The following LEKR1 variants were observed in gnomAD, a reference collection of about 807,000 sequenced individuals.
LEKR1 encodes leucine, glutamate and lysine rich 1, also known as protein LEKR1.
A neutral mutation model predicts 72.4 loss-of-function variants in LEKR1; 59 were observed. That is an observed-to-expected ratio of 0.82 (90% CI 0.66 to 1.01). The LOEUF is 1.01. Among genes scored for constraint, LEKR1 ranks in the 50% least tolerant of loss-of-function variants. The pLI is 0.00. For missense variants in LEKR1, 728 were observed against 759.2 expected, an observed-to-expected ratio of 0.96 and a Z score of 0.48; for synonymous variants, 257 against 263.2, an observed-to-expected ratio of 0.98 and a Z score of 0.23.
chr3:156,847,523 A>G (rs1714769049), intron 2 of LEKR1, among the ~76,000 whole-genome samples: 1 of 152,226 alleles, frequency 6.6e-6, no homozygotes, highest in African/African-American at 2.4e-5. Context: ...AAAGCAGATA[A>G]CTTACTTCAT....
intron 11 of LEKR1, among the ~76,000 whole-genome samples, chr3:157,027,316 T>G (rs1032041): frequency 0.51 from 78,030 of 151,832 alleles, 22,871 homozygotes; most frequent in South Asian, 0.79. Context: ...TGGGCAGTAC[T>G]GTTCTGGAAG....
At chr3:156,859,194 T>C (rs1238914709) in intron 3 of LEKR1, among the ~76,000 whole-genome samples, 1 of 152,212 alleles carries the variant, frequency 6.6e-6, no homozygotes, top group Non-Finnish European at 1.5e-5. Flanking sequence ...CTTAGTTTTG[T>C]CAGTTTCACT....
intron 3 of LEKR1, among the ~76,000 whole-genome samples, chr3:156,862,934 G>A (rs927692615): frequency 1.3e-5 from 2 of 151,952 alleles, no homozygotes; most frequent in Non-Finnish European, 2.9e-5. Flanking sequence ...ATTTAAAAGG[G>A]CATAATAAAA....
intron 2 of LEKR1, among the ~76,000 whole-genome samples, chr3:156,839,344 A>G (rs1044236374): frequency 6.6e-6 from 1 of 152,214 alleles, no homozygotes; most frequent in African/African-American, 2.4e-5. Context: ...TATGGAAGAG[A>G]ACCCTGACAG....
chr3:156,965,969 T>C (rs922892716), intron 6 of LEKR1, among the ~76,000 whole-genome samples: 1 of 152,216 alleles, frequency 6.6e-6, no homozygotes, highest in Non-Finnish European at 1.5e-5. Flanking sequence ...TGTGATATGA[T>C]AATATATATG....
intron 5 of LEKR1, among the ~76,000 whole-genome samples, chr3:156,939,776 C>T (rs1022811640): frequency 2.6e-5 from 4 of 152,014 alleles, no homozygotes; most frequent in Admixed American, 6.6e-5. Context: ...AATAAAATTT[C>T]GGGAAAAATA....
intron 9 of LEKR1, among the ~76,000 whole-genome samples, chr3:157,003,193 A>G (rs1373227116): frequency 6.6e-6 from 1 of 152,206 alleles, no homozygotes; most frequent in Non-Finnish European, 1.5e-5. Flanking sequence ...CAAGCACATG[A>G]CTAGACACAT....
chr3:156,829,991 G>A (rs1712156375), intron 2 of LEKR1, among the ~76,000 whole-genome samples: 1 of 152,068 alleles, frequency 6.6e-6, no homozygotes, highest in African/African-American at 2.4e-5. Flanking sequence ...CATAAAATAT[G>A]CACAAATCTA....
chr3:156,929,884 A>G (rs879796972), intron 5 of LEKR1, among the ~76,000 whole-genome samples: 4 of 152,168 alleles, frequency 2.6e-5, no homozygotes, highest in Non-Finnish European at 4.4e-5. Context: ...TGAGGTGATA[A>G]TATTTTCCAT....
intron 3 of LEKR1, among the ~76,000 whole-genome samples, chr3:156,857,766 TG>T (rs1716250295): frequency 6.6e-6 from 1 of 152,220 alleles, no homozygotes; most frequent in South Asian, 2.1e-4. Flanking sequence ...TGAAGAGCAT[TG>T]TTCTTTTGAA....
rs1459969062 is a variant in LEKR1, at chr3:156,966,136, T to C, written c.746-13058T>C. Among the ~76,000 whole-genome samples, 4 of 151,918 alleles carry C rather than the reference T, an allele frequency of 2.6e-5. No individual in the cohort carries two copies. In the East Asian group the frequency reaches 7.7e-4, roughly 29 times the overall value. ...AAAACAGATAAATAAATAAAATAAA[T>C]AGTGATGGGGGTGGAGCCAAGATGG... is the stretch of plus-strand genomic sequence containing the variant. On this transcript the variant is annotated intron_variant, in intron 6 of 12. Coordinates refer to ENST00000356539, the MANE Select transcript of LEKR1 (RefSeq NM_001004316.3).
At chr3:156,909,806 T>G (rs1722932950) in intron 3 of LEKR1, among the ~76,000 whole-genome samples, 1 of 152,114 alleles carries the variant, frequency 6.6e-6, no homozygotes, top group South Asian at 2.1e-4. Context: ...TAAAAATATA[T>G]TTTGGTGCTA....
chr3:156,898,310 A>G (rs1157649453), intron 3 of LEKR1, among the ~76,000 whole-genome samples: 2 of 152,190 alleles, frequency 1.3e-5, no homozygotes, highest in Non-Finnish European at 2.9e-5. Flanking sequence ...AATAAAACCC[A>G]TCTGATGAGA....
At chr3:156,848,802 A>G (rs1714951144) in intron 2 of LEKR1, among the ~76,000 whole-genome samples, 1 of 152,194 alleles carries the variant, frequency 6.6e-6, no homozygotes, top group South Asian at 2.1e-4. Context: ...AAAAGACATA[A>G]AGCTTAGAAT....
chr3:156,946,881 G>A (rs1487458668), intron 6 of LEKR1, among the ~76,000 whole-genome samples: 1 of 151,086 alleles, frequency 6.6e-6, no homozygotes, highest in Admixed American at 6.6e-5. Context: ...AAATTTATTG[G>A]CATATAGTTG....
In LEKR1 at chr3:157,045,350, T is replaced by C; in HGVS notation, c.1679T>C (p.Leu560Pro). ...CCTCTCTCTTTTCAGAATACTTTTCTTCAGGAGACAGTGCGTAGAGAATGT... is the reference window on the plus strand; with the variant it reads ...CCTCTCTCTTTTCAGAATACTTTTCCTCAGGAGACAGTGCGTAGAGAATGT... ...FNQSQEENTF[L>P]QETVRRECEE... Residue 560 changes from leucine to proline, a missense_variant, in exon 13 of 13, where the codon CTT (leucine) becomes CCT (proline). Physicochemically the swap from Leu to Pro is moderately conservative, Grantham distance 98. Transcript: ENST00000356539. 6.2e-7 allele frequency: 1 copy of C among 1,607,852 alleles called. No homozygotes were observed. The highest frequency in any genetic ancestry group is 8.5e-7 in the Non-Finnish European group (1 of 1,175,884).
intron 7 of LEKR1, among the ~76,000 whole-genome samples, chr3:156,989,812 T>A (rs1203140793): frequency 6.6e-6 from 1 of 151,772 alleles, no homozygotes; most frequent in Admixed American, 6.6e-5. Flanking sequence ...TCCCTCTCCC[T>A]CTCTCTCTGC....
intron 6 of LEKR1, among the ~76,000 whole-genome samples, chr3:156,946,789 T>C (rs1726722447): frequency 6.6e-6 from 1 of 151,332 alleles, no homozygotes; most frequent in Non-Finnish European, 1.5e-5. Context: ...ATTATTGGCC[T>C]GTTCAGGTTT....
chr3:156,985,460 G>A (rs1730590953), intron 7 of LEKR1, among the ~76,000 whole-genome samples: 2 of 152,050 alleles, frequency 1.3e-5, no homozygotes, highest in Admixed American at 6.5e-5. Context: ...ACAGAATAAC[G>A]GCTCCCCAAA....
Sources: allele counts gnomAD v4.1 joint callset (sites outside exome capture counted in the v4.1 genomes callset), GRCh38; gene constraint gnomAD v4.1.1; transcripts MANE v1.5; gene names NCBI Gene and HGNC (gene_info 2026-07-23, HGNC 2026-07-21).